Variants in TBCK observed in about 807,000 individuals in gnomAD.
TBCK encodes TBC domain-containing protein kinase-like protein.
A neutral mutation model predicts 113.4 loss-of-function variants in TBCK; 99 were observed. The observed-to-expected ratio is 0.87, with a 90% CI of 0.74 to 1.03. The LOEUF (loss-of-function observed/expected upper bound fraction) is 1.03, where lower values mean the gene tolerates loss of function less well. Among genes scored for constraint, TBCK ranks in the 50% least tolerant of loss-of-function variants. The pLI is 0.00. For missense variants in TBCK, 1,045 were observed against 1,061.3 expected (o/e 0.98, Z 0.21); for synonymous variants, 369 against 370.8 (o/e 1.00, Z 0.05).
chr4:106,074,715 AG>A (rs1261138986), intron 25 of TBCK, among the ~76,000 whole-genome samples: 2 of 152,232 alleles, frequency 1.3e-5, no homozygotes, highest in Non-Finnish European at 2.9e-5. Context: ...ATGAAGGTAC[AG>A]GTGCTATATA....
intron 20 of TBCK, among the ~76,000 whole-genome samples, chr4:106,207,872 A>G (rs1755702393): frequency 6.6e-6 from 1 of 152,232 alleles, no homozygotes; most frequent in South Asian, 2.1e-4. Flanking sequence ...CTTCAGGTTA[A>G]GATATATTAT....
At chr4:106,179,482 T>A (rs56210891) in intron 22 of TBCK, among the ~76,000 whole-genome samples, 4 of 152,018 alleles carry the variant, frequency 2.6e-5, no homozygotes. Context: ...TACTATAATT[T>A]CCTTTATAAT....
chr4:106,256,327 G>A (rs1413991003), intron 5 of TBCK, among the ~76,000 whole-genome samples: 1 of 152,146 alleles, frequency 6.6e-6, no homozygotes, highest in South Asian at 2.1e-4. Flanking sequence ...CGGAGCGCCT[G>A]CCCGCCAGCA....
chr4:106,148,704 T>G (rs1024136375), intron 23 of TBCK, among the ~76,000 whole-genome samples: 1 of 152,190 alleles, frequency 6.6e-6, no homozygotes, highest in Non-Finnish European at 1.5e-5. Flanking sequence ...GTTCCATTTA[T>G]AGAACACAGG....
At chr4:106,187,012 T>C (rs1753099386) in intron 22 of TBCK, among the ~76,000 whole-genome samples, 1 of 152,156 alleles carries the variant, frequency 6.6e-6, no homozygotes, top group South Asian at 2.1e-4. Flanking sequence ...CCTCACTGCT[T>C]ATTTTTGTCA....
chr4:106,172,120 C>T (rs1371106930), intron 22 of TBCK, among the ~76,000 whole-genome samples: 1 of 152,074 alleles, frequency 6.6e-6, no homozygotes, highest in Admixed American at 6.6e-5. Context: ...GGATCATCCA[C>T]CATGCCCAAC....
At chr4:106,184,845 A>G (rs557676481) in intron 22 of TBCK, among the ~76,000 whole-genome samples, 1 of 152,216 alleles carries the variant, frequency 6.6e-6, no homozygotes, top group Non-Finnish European at 1.5e-5. Flanking sequence ...ATAAATAGGA[A>G]ATGCAATACA....
At chr4:106,198,069 T>G (rs1754465161) in intron 20 of TBCK, among the ~76,000 whole-genome samples, 1 of 152,118 alleles carries the variant, frequency 6.6e-6, no homozygotes, top group Non-Finnish European at 1.5e-5. Flanking sequence ...GCATACCAAA[T>G]TAAGTACAAT....
intron 23 of TBCK, among the ~76,000 whole-genome samples, chr4:106,124,186 C>T (rs200352875): frequency 0.13 from 19,510 of 151,966 alleles, 1,520 homozygotes; most frequent in South Asian, 0.24. Context: ...AACAAGTGGG[C>T]GAAGGACATG....
At chr4:106,136,899 G>C (rs534283435) in intron 23 of TBCK, among the ~76,000 whole-genome samples, 21 of 141,080 alleles carry the variant, frequency 1.5e-4, no homozygotes, top group African/African-American at 4.8e-4. Flanking sequence ...AAGAAAGATA[G>C]ATGTATGAGA....
intron 24 of TBCK, among the ~76,000 whole-genome samples, chr4:106,108,235 G>A (rs1289861912): frequency 1.3e-5 from 2 of 152,044 alleles, no homozygotes; most frequent in Non-Finnish European, 2.9e-5. Context: ...GAGAAGAAGG[G>A]ACTTATACCT....
chr4:106,081,811 T>G (rs568851514), intron 25 of TBCK, among the ~76,000 whole-genome samples: 31 of 152,100 alleles, frequency 2.0e-4, no homozygotes, highest in Middle Eastern at 3.4e-3. Flanking sequence ...CAAATACATC[T>G]CAAAATAAGA....
At chr4:106,147,164 C>T (rs1747897179) in intron 23 of TBCK, among the ~76,000 whole-genome samples, 1 of 152,130 alleles carries the variant, frequency 6.6e-6, no homozygotes. Context: ...TCAAAGTTAT[C>T]AATGAGGGTT....
intron 23 of TBCK, among the ~76,000 whole-genome samples, chr4:106,161,155 T>C (rs1749741659): frequency 6.6e-6 from 1 of 152,086 alleles, no homozygotes; most frequent in South Asian, 2.1e-4. Flanking sequence ...ATGTATTTAA[T>C]ACCACTAACT....
intron 23 of TBCK, among the ~76,000 whole-genome samples, chr4:106,128,461 G>A (rs1490042355): frequency 6.6e-6 from 1 of 152,072 alleles, no homozygotes; most frequent in East Asian, 1.9e-4. Context: ...TTTCATTAGG[G>A]TTTAGTTACA....
chr4:106,197,328 C>G (rs765137291), intron 20 of TBCK, among the ~76,000 whole-genome samples: 9 of 137,890 alleles, frequency 6.5e-5, no homozygotes, highest in Admixed American at 1.4e-4. Context: ...CAAATCTTTG[C>G]TAATTACTGA....
At chr4:106,078,812 C>A (rs1578831211) in intron 25 of TBCK, among the ~76,000 whole-genome samples, 1 of 151,276 alleles carries the variant, frequency 6.6e-6, no homozygotes, top group African/African-American at 2.4e-5. Context: ...ATCCTCATAC[C>A]AAAATCTGGC....
intron 25 of TBCK, among the ~76,000 whole-genome samples, chr4:106,082,204 C>G (rs377618769): frequency 1.1e-4 from 15 of 141,226 alleles, no homozygotes; most frequent in African/African-American, 3.5e-4. Flanking sequence ...AACAAAGATG[C>G]CCATCAACAG....
intron 23 of TBCK, among the ~76,000 whole-genome samples, chr4:106,162,474 T>C (rs1319548963): frequency 6.6e-6 from 1 of 152,156 alleles, no homozygotes; most frequent in African/African-American, 2.4e-5. Flanking sequence ...GGACTCTGTG[T>C]GGGAGTTCTG....
Sources: allele counts gnomAD v4.1 joint callset (sites outside exome capture counted in the v4.1 genomes callset), GRCh38; gene constraint gnomAD v4.1.1; transcripts MANE v1.5; gene names NCBI Gene and HGNC (gene_info 2026-07-23, HGNC 2026-07-21).